Variants in ANKRD13C observed in about 807,000 individuals in gnomAD.
ANKRD13C encodes the protein ankyrin repeat domain-containing protein 13C.
A neutral mutation model predicts 65.5 loss-of-function variants in ANKRD13C; 16 were observed. That is an observed-to-expected ratio of 0.24 (90% CI 0.17 to 0.37). The LOEUF (loss-of-function observed/expected upper bound fraction) is 0.37, where lower values mean the gene tolerates loss of function less well. Among genes scored for constraint, ANKRD13C ranks in the 10% least tolerant of loss-of-function variants. The probability of loss-of-function intolerance (pLI) is 1.00; values close to 1 mark genes in which losing one functional copy is unlikely to be tolerated. For missense variants in ANKRD13C, 503 were observed against 655.9 expected (o/e 0.77, Z 2.55); for synonymous variants, 235 against 238.7 (o/e 0.98, Z 0.14).
At chr1:70,274,642 C>A in intron 11 of ANKRD13C, 78 bp downstream of exon 11, 1 of 1,074,620 alleles carries the variant, frequency 9.3e-7, no homozygotes, top group Non-Finnish European at 1.4e-6. Flanking sequence ...AAATGCACCA[C>A]TGGGGTGCAA....
intron 11 of ANKRD13C, among the ~76,000 whole-genome samples, chr1:70,272,488 A>G (rs2101125124): frequency 6.6e-6 from 1 of 152,136 alleles, no homozygotes; most frequent in East Asian, 1.9e-4. Flanking sequence ...CCAAACTGCC[A>G]GGATAACAGG....
At chr1:70,282,291 G>A (rs1039882672) in intron 9 of ANKRD13C, among the ~76,000 whole-genome samples, 8 of 151,624 alleles carry the variant, frequency 5.3e-5, no homozygotes, top group South Asian at 2.1e-4. Context: ...TCCTGACCTC[G>A]TGATTTGCCC....
intron 1 of ANKRD13C, among the ~76,000 whole-genome samples, chr1:70,341,274 C>T (rs1383230728): frequency 1.3e-5 from 2 of 151,062 alleles, no homozygotes; most frequent in Non-Finnish European, 1.5e-5. Flanking sequence ...TACAGTAAGA[C>T]AATATTTGTC....
intron 3 of ANKRD13C, among the ~76,000 whole-genome samples, chr1:70,322,437 G>C (rs866170237): frequency 2.1e-4 from 32 of 152,150 alleles, no homozygotes; most frequent in South Asian, 2.1e-3. Flanking sequence ...AATGGACAAT[G>C]GGATATTATT....
At chr1:70,299,717 A>G (rs1398887980) in intron 7 of ANKRD13C, among the ~76,000 whole-genome samples, 2 of 152,228 alleles carry the variant, frequency 1.3e-5, no homozygotes, top group Non-Finnish European at 2.9e-5. Context: ...AACAGGAAAA[A>G]GAGCAGGTTT....
In ANKRD13C at chr1:70,354,109, G is replaced by C. The variant is rs1473571480; in HGVS notation, c.300C>G (p.Pro100=). The change falls in exon 1 of 13, where the codon CCC becomes CCG. Residue 100 remains proline (P), a synonymous_variant. Coordinates refer to ENST00000370944, the MANE Select transcript of ANKRD13C (RefSeq NM_030816.5). ...QSPALLAGTN[P]VAVVADGGSC... is the part of the protein sequence containing the mutation. ...TGCCTCCATCCGCGACGACAGCAAC[G>C]GGGTTGGTGCCGGCCAGAAGGGCCG... 1.2e-6 allele frequency: 2 copies of C among 1,613,082 alleles called. No individual in the cohort carries two copies. Among genetic ancestry groups the C allele is most frequent in the Non-Finnish European group, 1.7e-6 (2 of 1,179,254 alleles).
intron 1 of ANKRD13C, among the ~76,000 whole-genome samples, chr1:70,352,681 T>A (rs1371190241): frequency 2.0e-5 from 3 of 152,216 alleles, no homozygotes; most frequent in African/African-American, 7.2e-5. Context: ...CACTAACAAC[T>A]GTTTTCCAAA....
At chr1:70,287,089 AT>A (rs1484159792) in intron 9 of ANKRD13C, among the ~76,000 whole-genome samples, 1 of 152,102 alleles carries the variant, frequency 6.6e-6, no homozygotes, top group African/African-American at 2.4e-5. Context: ...TGGAAATGAA[AT>A]TTAAAGATAA....
chr1:70,297,482 C>T (rs1253482193), intron 7 of ANKRD13C, among the ~76,000 whole-genome samples: 5 of 148,600 alleles, frequency 3.4e-5, no homozygotes, highest in South Asian at 2.1e-4. Flanking sequence ...TTAGTAGAGA[C>T]GGGGTTTCAC....
At position 70,274,928 on chromosome 1, in the gene ANKRD13C, ACT is replaced by A. The variant is rs200535266; in HGVS notation, c.1296-112_1296-111del. The A allele has an allele frequency of 4.8e-4, 330 of 692,296 alleles. 1 individual carries two copies. In the East Asian group the frequency reaches 8.3e-3, roughly 17 times the overall value. 42.9% of individuals were successfully genotyped at this position (692,296 alleles called of 1,614,324 possible). A position where few individuals can be genotyped will look rare whatever the true frequency, so the allele number is the denominator to read the frequency against. On this transcript the variant is annotated intron_variant, in intron 10 of 12. Transcript: ENST00000370944. Reference sequence around the variant, plus strand: ...ATTCATTAATATTTCAATTTTTCTTACTCTGTCTACAGAAATAAAGTTATGCT... The same window carrying A: ...ATTCATTAATATTTCAATTTTTCTTACTGTCTACAGAAATAAAGTTATGCT...
chr1:70,265,166 C>T (rs142576051), intron 12 of ANKRD13C, among the ~76,000 whole-genome samples: 418 of 152,064 alleles, frequency 2.7e-3, no homozygotes, highest in Middle Eastern at 3.4e-3. Flanking sequence ...AGGGTGTGAC[C>T]GGGGTAGTAC....
chr1:70,267,144 T>G (rs1036965392), intron 12 of ANKRD13C, among the ~76,000 whole-genome samples: 1 of 152,234 alleles, frequency 6.6e-6, no homozygotes, highest in African/African-American at 2.4e-5. Context: ...TCACATCTTC[T>G]TCATAGATTG....
At chr1:70,296,291 A>G (rs1340849958) in intron 7 of ANKRD13C, 30 bp from the exon 8 acceptor site, 1 of 1,593,608 alleles carries the variant, frequency 6.3e-7, no homozygotes, top group Non-Finnish European at 8.5e-7. Flanking sequence ...TAAATATAAA[A>G]ATCTAGGTTT....
chr1:70,334,448 G>A (rs1266099649), intron 2 of ANKRD13C, among the ~76,000 whole-genome samples: 8 of 151,892 alleles, frequency 5.3e-5, no homozygotes, highest in Non-Finnish European at 7.4e-5. Flanking sequence ...GCAACAAAGT[G>A]AGAACCTGTC....
chr1:70,308,957 A>G (rs994456600), intron 5 of ANKRD13C, among the ~76,000 whole-genome samples: 1 of 152,116 alleles, frequency 6.6e-6, no homozygotes. Flanking sequence ...TTCCAACAGT[A>G]GCATAATTCA....
chr1:70,339,339 C>CAG (rs1387601752), intron 1 of ANKRD13C, among the ~76,000 whole-genome samples: 1 of 126,662 alleles, frequency 7.9e-6, no homozygotes, highest in Non-Finnish European at 1.6e-5. Flanking sequence ...TTTTTTGAGA[C>CAG]AGAGTCTCCC....
At chr1:70,320,854 A>T (rs948672560) in intron 3 of ANKRD13C, among the ~76,000 whole-genome samples, 8 of 151,030 alleles carry the variant, frequency 5.3e-5, no homozygotes, top group Non-Finnish European at 1.2e-4. Context: ...CAGTGGCGTG[A>T]TCTCAGCTCA....
intron 5 of ANKRD13C, among the ~76,000 whole-genome samples, chr1:70,312,642 GAC>G (rs1680897412): frequency 2.0e-5 from 3 of 146,758 alleles, no homozygotes; most frequent in South Asian, 4.3e-4. Flanking sequence ...GTGCCTGGGC[GAC>G]AGAGTGAGTG....
At chr1:70,322,499 C>A (rs1681353758) in intron 3 of ANKRD13C, among the ~76,000 whole-genome samples, 1 of 152,080 alleles carries the variant, frequency 6.6e-6, no homozygotes, top group Non-Finnish European at 1.5e-5. Flanking sequence ...AAGAACAGAC[C>A]TCAACTATCT....
Sources: gnomAD v4.1 joint callset for allele counts (sites outside exome capture counted in the v4.1 genomes callset) on GRCh38, gnomAD v4.1.1 for gene constraint, MANE v1.5 for transcripts, NCBI Gene and HGNC (gene_info 2026-07-23, HGNC 2026-07-21) for gene names.